The following MCM9 variants were observed in gnomAD, a reference collection of about 807,000 sequenced individuals.
The protein encoded by MCM9 is minichromosome maintenance 9 homologous recombination repair factor.
In MCM9, 55 loss-of-function variants were observed where a neutral mutation model predicts 72.8. That is an observed-to-expected ratio of 0.76 (90% CI 0.61 to 0.95). The LOEUF (loss-of-function observed/expected upper bound fraction) is 0.95. MCM9 is among the 40% of genes least tolerant of loss of function. MCM9 has a pLI of 0.00. For missense variants in MCM9, 1,279 were observed against 1,377.0 expected (o/e 0.93, Z 1.13); for synonymous variants, 480 against 503.4 (o/e 0.95, Z 0.62).
chr6:118,917,563 G>A lies in MCM9; in HGVS notation c.902C>T (p.Ala301Val). 6.2e-7 allele frequency: 1 copy of A among 1,613,834 alleles called. No homozygotes were observed. The highest frequency in any genetic ancestry group is 8.5e-7 in the Non-Finnish European group (1 of 1,179,802). Residue 301 changes from alanine to valine, a missense_variant and splice_region_variant, in exon 6 of 14, where the codon GCA (alanine) becomes GTA (valine). Coordinates refer to ENST00000619706, the MANE Select transcript of MCM9 (RefSeq NM_017696.3). ...FWEYYKSDPF[A>V]GRNVILASLC... ...AGTTTTAGCCCTTAAACACAAACCT[G>A]CAAAGGGATCGCTCTTATAGTATTC... is the stretch of plus-strand genomic sequence containing the variant.
At chr6:118,922,674 A>G (rs184383418) in intron 4 of MCM9, among the ~76,000 whole-genome samples, 1 of 152,236 alleles carries the variant, frequency 6.6e-6, no homozygotes, top group Non-Finnish European at 1.5e-5. Flanking sequence ...TACAACACAC[A>G]TGTGATGGAG....
rs1253909330 is a variant in MCM9, at chr6:118,815,710, T to C, written c.2546A>G (p.Gln849Arg). The C allele has an allele frequency of 6.5e-7, 1 of 1,547,072 alleles. No homozygotes were observed. ...VLTHHVPRNLQKLCKERAQKL... is the reference protein window; with the variant it reads ...VLTHHVPRNLRKLCKERAQKL... ...CTGGGCCCTCTCTTTGCACAGCTTC[T>C]GCAGGTTCCTGGGGACATGATGAGT... is the stretch of plus-strand genomic sequence containing the variant. The change falls in exon 14 of 14, where the codon CAG becomes CGG. Residue 849 changes from glutamine (Q) to arginine (R), a missense_variant. Physicochemically the swap from Gln to Arg is conservative, Grantham distance 43. Coordinates refer to ENST00000619706, the MANE Select transcript of MCM9 (RefSeq NM_017696.3).
intron 8 of MCM9, among the ~76,000 whole-genome samples, chr6:118,861,273 G>GC (rs925931348): frequency 3.2e-4 from 49 of 152,338 alleles, no homozygotes; most frequent in African/African-American, 1.1e-3. Context: ...GAACTGCAGA[G>GC]CCCCAAAGAG....
At chr6:118,898,558 G>A (rs1226078767) in intron 8 of MCM9, among the ~76,000 whole-genome samples, 1 of 151,710 alleles carries the variant, frequency 6.6e-6, no homozygotes, top group Non-Finnish European at 1.5e-5. Flanking sequence ...CCGAGTAGCT[G>A]GGACCACAGG....
chr6:118,815,114 C>T lies in MCM9; in HGVS notation c.3142G>A (p.Gly1048Ser), dbSNP rs567816821. 23 of 1,550,408 alleles carry T rather than the reference C, an allele frequency of 1.5e-5. No homozygotes were observed. The highest frequency in any genetic ancestry group is 1.3e-4 in the South Asian group (11 of 84,044). The change falls in exon 14 of 14, where the codon GGC becomes AGC. Residue 1048 changes from glycine to serine, a missense_variant. Gly to Ser is a moderately conservative substitution (Grantham distance 56). Coordinates refer to ENST00000619706, the MANE Select transcript of MCM9 (RefSeq NM_017696.3). ...KEEVSGSNKS[G>S]KVHACTLARL... ...GCTAATGTGCAGGCATGAACCTTGCCGCTTTTATTACTGCCTGAAACCTCT... is the reference window on the plus strand; with the variant it reads ...GCTAATGTGCAGGCATGAACCTTGCTGCTTTTATTACTGCCTGAAACCTCT...
chr6:118,844,614 T>A (rs186580164), intron 9 of MCM9, among the ~76,000 whole-genome samples: 1 of 151,674 alleles, frequency 6.6e-6, no homozygotes, highest in African/African-American at 2.4e-5. Context: ...ACAGCTATGA[T>A]CTTGGCAGAA....
intron 8 of MCM9, among the ~76,000 whole-genome samples, chr6:118,860,113 G>A (rs183622512): frequency 4.9e-4 from 74 of 152,202 alleles, no homozygotes; most frequent in African/African-American, 1.8e-3. Flanking sequence ...CTAAAAGGCA[G>A]AAAATACAGT....
intron 9 of MCM9, among the ~76,000 whole-genome samples, chr6:118,848,002 T>C (rs185845484): frequency 3.0e-3 from 449 of 151,928 alleles, no homozygotes; most frequent in Middle Eastern, 0.02. Context: ...ATTTGAAACA[T>C]GGAAAAATTC....
rs1443533258 is a variant in MCM9 at position 118,815,186 on chromosome 6, T to C, written c.3070A>G (p.Asn1024Asp). ...GTAAGATGAGCACACCCAGTCTCGT[T>C]CCCAAGCTCTAATTCAGGCTGAATA... The part of the protein sequence containing the change: ...RIIQPELELG[N>D]ETGCAHLTCE... Residue 1024 changes from asparagine (N) to aspartate (D), a missense_variant, in exon 14 of 14, where the codon AAC becomes GAC. Asn to Asp is a conservative substitution (Grantham distance 23). Coordinates refer to ENST00000619706, the MANE Select transcript of MCM9 (RefSeq NM_017696.3). 2.6e-6 allele frequency: 4 copies of C among 1,550,588 alleles called. No individual in the cohort carries two copies. The South Asian group carries it at 3.6e-5, about 14-fold the overall frequency.
intron 8 of MCM9, among the ~76,000 whole-genome samples, chr6:118,904,816 A>G (rs1780059506): frequency 6.6e-6 from 1 of 152,186 alleles, no homozygotes; most frequent in Non-Finnish European, 1.5e-5. Flanking sequence ...TCTGCTATGT[A>G]GCTATTTCCA....
chr6:118,861,290 A>G (rs1317673247), intron 8 of MCM9, among the ~76,000 whole-genome samples: 1 of 152,204 alleles, frequency 6.6e-6, no homozygotes. Context: ...AGAGGGTGTT[A>G]AAGCATGTCA....
intron 9 of MCM9, among the ~76,000 whole-genome samples, chr6:118,831,625 A>T (rs1309420910): frequency 1.6e-5 from 2 of 124,532 alleles, no homozygotes; most frequent in African/African-American, 3.7e-5. Context: ...AACATTTTTT[A>T]AAAAAACTAA....
At chr6:118,857,352 A>C (rs1562412780) in intron 8 of MCM9, among the ~76,000 whole-genome samples, 3 of 152,182 alleles carry the variant, frequency 2.0e-5, no homozygotes, top group Admixed American at 2.0e-4. Flanking sequence ...CAGTCAATAA[A>C]GCAGAATGGT....
chr6:118,835,959 A>T (rs1293820679), intron 9 of MCM9, among the ~76,000 whole-genome samples: 1 of 152,186 alleles, frequency 6.6e-6, no homozygotes, highest in African/African-American at 2.4e-5. Flanking sequence ...GCTTTTGCCC[A>T]TTCAGTATGA....
In MCM9 at chr6:118,894,118, TG is replaced by T. The variant is rs1271128790; in HGVS notation, c.1150+17531del. 2.5e-5 allele frequency: 30 copies of T among 1,177,782 alleles called. No individual in the cohort carries two copies. In the East Asian group the frequency reaches 1.4e-3, roughly 55 times the overall value. The allele number at this position is 1,177,782 out of a possible 1,614,324, so 73.0% of individuals were successfully genotyped here. A position where few individuals can be genotyped will look rare whatever the true frequency, so the allele number is the denominator to read the frequency against. On this transcript the variant is annotated intron_variant, in intron 8 of 13. Transcript: ENST00000619706. Reference sequence around the variant, plus strand: ...TTCCGGGAGCGGGAGCCCATCTTGCTGGCTGCCGAGGCCCTCGCTGGAGGAG... The same window carrying T: ...TTCCGGGAGCGGGAGCCCATCTTGCTGCTGCCGAGGCCCTCGCTGGAGGAG...
rs1003709078 is a variant in MCM9, at chr6:118,828,869, A to T, written c.1528+179T>A. On this transcript the variant is annotated intron_variant, in intron 10 of 13. Transcript: ENST00000619706. ...GGTAGAGAAAGGCCCTTTTCCTTCAACTCAGTATTCTGAGGCCCCGTAAGT... is the reference window on the plus strand; with the variant it reads ...GGTAGAGAAAGGCCCTTTTCCTTCATCTCAGTATTCTGAGGCCCCGTAAGT... Among the ~76,000 whole-genome samples the T allele has an allele frequency of 3.9e-5, 6 of 152,080 alleles. No individual in the cohort carries two copies. The East Asian group carries it at 1.2e-3, about 29-fold the overall frequency.
chr6:118,900,078 C>T (rs1320593097), intron 8 of MCM9, among the ~76,000 whole-genome samples: 2 of 152,182 alleles, frequency 1.3e-5, no homozygotes, highest in Non-Finnish European at 2.9e-5. Flanking sequence ...GTCTTTTCCT[C>T]CTGCCTATCT....
At position 118,836,161 on chromosome 6, in the gene MCM9, C is replaced by T. The variant is rs562752177; in HGVS notation, c.1326-6911G>A. Among the ~76,000 whole-genome samples, 6 of 152,240 alleles carry T rather than the reference C, an allele frequency of 3.9e-5. No individual in the cohort carries two copies. The South Asian group carries it at 1.2e-3, about 32-fold the overall frequency. On this transcript the variant is annotated intron_variant, in intron 9 of 13. Coordinates refer to ENST00000619706, the MANE Select transcript of MCM9 (RefSeq NM_017696.3). Reference sequence around the variant, plus strand: ...GTGATGGATTACGTTTATTGATTTGCATATGTTGAACCAGCCTTGCATCCC... The same window carrying T: ...GTGATGGATTACGTTTATTGATTTGTATATGTTGAACCAGCCTTGCATCCC...
chr6:118,903,543 A>G (rs1407205), intron 8 of MCM9, among the ~76,000 whole-genome samples: 8,773 of 152,264 alleles, frequency 0.058, 366 homozygotes, highest in East Asian at 0.19. Flanking sequence ...CACAGGGCAT[A>G]CGTTCTTAGA....
Sources: gnomAD v4.1 joint callset for allele counts (sites outside exome capture counted in the v4.1 genomes callset) on GRCh38, gnomAD v4.1.1 for gene constraint, MANE v1.5 for transcripts, NCBI Gene and HGNC (gene_info 2026-07-23, HGNC 2026-07-21) for gene names.